Variants in KIFC1 observed in about 807,000 individuals in gnomAD.
KIFC1 encodes the protein kinesin-like protein KIFC1.
KIFC1 carries 37 observed loss-of-function variants against 66.6 expected under a neutral mutation model. That is an observed-to-expected ratio of 0.56 (90% CI 0.43 to 0.73). The LOEUF (loss-of-function observed/expected upper bound fraction) is 0.73, where lower values mean the gene tolerates loss of function less well. Among genes scored for constraint, KIFC1 ranks in the 30% least tolerant of loss-of-function variants. The pLI is 0.00. For synonymous variants in KIFC1, 325 were observed against 343.5 expected, an observed-to-expected ratio of 0.95 and a Z score of 0.60; for missense variants, 721 against 859.8, an observed-to-expected ratio of 0.84 and a Z score of 2.02.
intron 1 of KIFC1, among the ~76,000 whole-genome samples, chr6:33,396,878 T>C (rs915491407): frequency 2.6e-5 from 4 of 152,046 alleles, no homozygotes; most frequent in African/African-American, 9.7e-5. Context: ...GAGACGGGAT[T>C]TCACCGTGTT....
chr6:33,397,067 G>A (rs143815170), intron 1 of KIFC1, among the ~76,000 whole-genome samples: 1,667 of 136,024 alleles, frequency 0.012, 21 homozygotes, highest in Middle Eastern at 0.022. Context: ...TCGGCTCACC[G>A]CAACCTCCAC....
At chr6:33,392,138 G>A in intron 1 of KIFC1, 141 bp downstream of exon 1, 1 of 945,828 alleles carries the variant, frequency 1.1e-6, no homozygotes, top group Non-Finnish European at 1.6e-6. Flanking sequence ...CCGCACAAGT[G>A]GAAAGGGGCG....
intron 1 of KIFC1, among the ~76,000 whole-genome samples, chr6:33,397,296 CTTT>C (rs9280438): frequency 7.8e-5 from 8 of 102,610 alleles, no homozygotes; most frequent in Admixed American, 1.2e-4. Flanking sequence ...TTCTAATGCC[CTTT>C]TTTTTTTTTT....
rs560970407 is a variant in KIFC1 at position 33,400,202 on chromosome 6, G to A, written c.250+1815G>A. ...CCAGAGAGTTCTCTGGCTAAGGATCGGTGCCGCATCTGTCGAGCAATGTTG... is the reference window on the plus strand; with the variant it reads ...CCAGAGAGTTCTCTGGCTAAGGATCAGTGCCGCATCTGTCGAGCAATGTTG... On this transcript the variant is annotated intron_variant, in intron 3 of 10. Coordinates refer to ENST00000428849, the MANE Select transcript of KIFC1 (RefSeq NM_002263.4). This position sits in a 1 kb window ranked among gnomAD's most constrained non-coding sequence, Gnocchi z 4.3. 2.7e-5 allele frequency: 42 copies of A among 1,550,348 alleles called. No individual in the cohort carries two copies. Among genetic ancestry groups the A allele is most frequent in the South Asian group, 2.2e-4 (20 of 90,060 alleles).
intron 1 of KIFC1, among the ~76,000 whole-genome samples, chr6:33,392,242 T>A (rs552388169): frequency 6.6e-6 from 1 of 152,230 alleles, no homozygotes; most frequent in Non-Finnish European, 1.5e-5. Context: ...AGCCCCTCCC[T>A]TAACTTTCAT....
chr6:33,406,861 C>G lies in KIFC1; in HGVS notation c.1963C>G (p.Arg655Gly). Residue 655 changes from arginine (R) to glycine (G), a missense_variant, in exon 10 of 11, where the codon CGC (arginine) becomes GGC (glycine). Coordinates refer to ENST00000428849, the MANE Select transcript of KIFC1 (RefSeq NM_002263.4). The surrounding 1 kb of genome is among the most constrained non-coding windows in gnomAD (Gnocchi z 4.5). ...CGTCTCCGAGTCCCTCAACTCTCTACGCTTTGCCTCCAAGGTGCGATTACC... is the reference window on the plus strand; with the variant it reads ...CGTCTCCGAGTCCCTCAACTCTCTAGGCTTTGCCTCCAAGGTGCGATTACC... The part of the protein sequence containing the change: ...ENVSESLNSL[R>G]FASKVNQCVI... The G allele has an allele frequency of 6.2e-7, 1 of 1,614,120 alleles. No individual in the cohort carries two copies. The highest frequency in any genetic ancestry group is 8.5e-7 in the Non-Finnish European group (1 of 1,180,014).
Position 33,405,304 on chromosome 6 carries a change from A to G in KIFC1, c.1209A>G (p.Pro403=). 1 of 1,614,170 alleles carries G rather than the reference A, an allele frequency of 6.2e-7. No individual in the cohort carries two copies. The highest frequency in any genetic ancestry group is 8.5e-7 in the Non-Finnish European group (1 of 1,180,030). Residue 403 remains proline, a synonymous_variant, in exon 7 of 11, where the codon CCA becomes CCG. Coordinates refer to ENST00000428849, the MANE Select transcript of KIFC1 (RefSeq NM_002263.4). This position sits in a 1 kb window ranked among gnomAD's most constrained non-coding sequence, Gnocchi z 5.4. ...TCCAGTCAGCCCTGGATGGCTATCC[A>G]GTATGCATCTTTGCCTATGGCCAGA... ...MLVQSALDGY[P]VCIFAYGQTG...
rs754781888 is a variant in KIFC1 at position 33,405,574 on chromosome 6, G to T, written c.1479G>T (p.Gly493=). ...GECEIRRAGP[G]SEELTVTNAR... ...GTGAGATTCGCCGTGCAGGGCCAGGGAGTGAGGAGCTCACTGTCACCAATG... is the reference window on the plus strand; with the variant it reads ...GTGAGATTCGCCGTGCAGGGCCAGGTAGTGAGGAGCTCACTGTCACCAATG... The change falls in exon 7 of 11, where the codon GGG becomes GGT. Residue 493 remains glycine (G), a synonymous_variant. Transcript: ENST00000428849. The surrounding 1 kb of genome is among the most constrained non-coding windows in gnomAD (Gnocchi z 5.4). 1.0e-5 allele frequency: 16 copies of T among 1,571,460 alleles called. No individual in the cohort carries two copies. Among genetic ancestry groups the T allele is most frequent in the Non-Finnish European group, 1.4e-5 (16 of 1,161,686 alleles).
At chr6:33,407,768 TTCCTTCCACTAGAATC>T (rs1379915256) in intron 10 of KIFC1, among the ~76,000 whole-genome samples, 4 of 152,208 alleles carry the variant, frequency 2.6e-5, no homozygotes, top group Admixed American at 2.0e-4. Flanking sequence ...CTAATGAGAA[TTCCTTCCACTAGAATC>T]TCCTTCCACT....
rs760751300 is a variant in KIFC1, at chr6:33,405,311, A to G, written c.1216A>G (p.Ile406Val). 2 of 1,614,132 alleles carry G rather than the reference A, an allele frequency of 1.2e-6. No individual in the cohort carries two copies. The highest frequency in any genetic ancestry group is 1.7e-6 in the Non-Finnish European group (2 of 1,180,016). ...QSALDGYPVC[I>V]FAYGQTGSGK... The stretch of plus-strand genomic sequence containing the variant: ...AGCCCTGGATGGCTATCCAGTATGC[A>G]TCTTTGCCTATGGCCAGACAGGCAG... The change falls in exon 7 of 11, where the codon ATC (isoleucine) becomes GTC (valine). Residue 406 changes from isoleucine (I) to valine (V), a missense_variant. Transcript: ENST00000428849. The surrounding 1 kb of genome is among the most constrained non-coding windows in gnomAD (Gnocchi z 5.4).
intron 1 of KIFC1, among the ~76,000 whole-genome samples, chr6:33,397,044 C>G (rs1366589435): frequency 3.0e-5 from 4 of 134,124 alleles, no homozygotes; most frequent in African/African-American, 1.1e-4. Context: ...GGCTGGAGTG[C>G]AGTGTTGTGA....
At position 33,406,391 on chromosome 6, in the gene KIFC1, C is replaced by G; in HGVS notation, c.1732C>G (p.Leu578Val). The G allele has an allele frequency of 6.2e-7, 1 of 1,612,336 alleles. No homozygotes were observed. Among genetic ancestry groups the G allele is most frequent in the East Asian group, 2.2e-5 (1 of 44,834 alleles). ...GSERLDPGLALGPGERERLRE... is the reference protein window; with the variant it reads ...GSERLDPGLAVGPGERERLRE... ...TGAGCGACTTGACCCCGGCTTAGCC[C>G]TCGGCCCCGGGGAGCGGGAACGCCT... The change falls in exon 8 of 11, where the codon CTC becomes GTC. Residue 578 changes from leucine (L) to valine (V), a missense_variant. Transcript: ENST00000428849. This position sits in a 1 kb window ranked among gnomAD's most constrained non-coding sequence, Gnocchi z 4.5.
At chr6:33,394,728 C>A (rs964590351) in intron 1 of KIFC1, among the ~76,000 whole-genome samples, 1 of 152,172 alleles carries the variant, frequency 6.6e-6, no homozygotes, top group Non-Finnish European at 1.5e-5. Flanking sequence ...GTGATCCGCC[C>A]GCCTCGGCCT....
intron 10 of KIFC1, among the ~76,000 whole-genome samples, chr6:33,408,620 C>G (rs1404141510): frequency 6.6e-6 from 1 of 152,206 alleles, no homozygotes; most frequent in Non-Finnish European, 1.5e-5. Context: ...AAGATAAATG[C>G]TGAATTATTT....
At position 33,403,764 on chromosome 6, in the gene KIFC1, C is replaced by T. The variant is rs1775495169; in HGVS notation, c.391C>T (p.Pro131Ser). Reference protein sequence around the residue: ...GVPPMAGGKKPSKRPAWDLKG... With the variant: ...GVPPMAGGKKSSKRPAWDLKG... ...TCCTCCCATGGCAGGAGGGAAGAAACCCAGCAAACGTCCAGCCTGGGACTT... is the reference window on the plus strand; with the variant it reads ...TCCTCCCATGGCAGGAGGGAAGAAATCCAGCAAACGTCCAGCCTGGGACTT... The change falls in exon 6 of 11, where the codon CCC becomes TCC. Residue 131 changes from proline (P) to serine (S), a missense_variant. Transcript: ENST00000428849. This position sits in a 1 kb window ranked among gnomAD's most constrained non-coding sequence, Gnocchi z 4.6. 1 of 1,613,658 alleles carries T rather than the reference C, an allele frequency of 6.2e-7. No individual in the cohort carries two copies. The highest frequency in any genetic ancestry group is 1.3e-5 in the African/African-American group (1 of 74,914).
In KIFC1 at chr6:33,403,495, C is replaced by T. The variant is rs758767539; in HGVS notation, c.315C>T (p.Asn105=). The T allele has an allele frequency of 6.8e-6, 11 of 1,614,044 alleles. No individual in the cohort carries two copies. In the Admixed American group the frequency reaches 1.0e-4, roughly 15 times the overall value. Residue 105 remains asparagine (N), a synonymous_variant, in exon 5 of 11, where the codon AAC becomes AAT. Coordinates refer to ENST00000428849, the MANE Select transcript of KIFC1 (RefSeq NM_002263.4). This position sits in a 1 kb window ranked among gnomAD's most constrained non-coding sequence, Gnocchi z 4.6. ...TCCTCAATTCTGTAGGGTTGAAGAA[C>T]CAGAAGCCAGTTCCTGCTGTTCCTG... ...CSTAIATGLK[N]QKPVPAVPVQ... is the part of the protein sequence containing the mutation.
Position 33,398,296 on chromosome 6 carries a change from A to G in KIFC1, c.159A>G (p.Thr53=), listed in dbSNP as rs755918194. The change falls in exon 3 of 11, where the codon ACA becomes ACG. Residue 53 remains threonine (T), a synonymous_variant. Coordinates refer to ENST00000428849, the MANE Select transcript of KIFC1 (RefSeq NM_002263.4). The part of the protein sequence containing the change: ...EDGLEPEKKR[T]RGLGATTKIT... Reference sequence around the variant, plus strand: ...TCTTTATCTTTCCCCAGAAACGGACAAGAGGCCTGGGTGCAACGACCAAAA... The same window carrying G: ...TCTTTATCTTTCCCCAGAAACGGACGAGAGGCCTGGGTGCAACGACCAAAA... The G allele has an allele frequency of 1.9e-6, 3 of 1,614,090 alleles. No homozygotes were observed. The highest frequency in any genetic ancestry group is 2.5e-6 in the Non-Finnish European group (3 of 1,180,016).
At chr6:33,396,082 T>C (rs1775018267) in intron 1 of KIFC1, among the ~76,000 whole-genome samples, 1 of 152,216 alleles carries the variant, frequency 6.6e-6, no homozygotes, top group Non-Finnish European at 1.5e-5. Context: ...CAGTCTTATG[T>C]AGGGGTTATG....
intron 1 of KIFC1, among the ~76,000 whole-genome samples, chr6:33,395,838 G>T (rs895386757): frequency 3.3e-5 from 5 of 152,154 alleles, no homozygotes; most frequent in Non-Finnish European, 7.4e-5. Context: ...ATTAAAATAA[G>T]CTTTCTTTGT....
Sources: allele counts gnomAD v4.1 joint callset (sites outside exome capture counted in the v4.1 genomes callset), GRCh38; gene constraint gnomAD v4.1.1; non-coding constraint Gnocchi (gnomAD v3.1); transcripts MANE v1.5; gene names NCBI Gene and HGNC (gene_info 2026-07-23, HGNC 2026-07-21).